IQGAP2: variants seen among roughly 807,000 people sequenced by gnomAD.
IQGAP2 encodes the protein IQ motif containing GTPase activating protein 2.
IQGAP2 carries 173 observed loss-of-function variants against 201.3 expected under a neutral mutation model. The observed-to-expected ratio is 0.86, with a 90% CI of 0.76 to 0.98. The LOEUF (loss-of-function observed/expected upper bound fraction) is 0.98, where lower values mean the gene tolerates loss of function less well. Ranked by LOEUF, IQGAP2 falls within the 50% of genes least tolerant of loss-of-function variation. The pLI, the probability that IQGAP2 is intolerant of heterozygous loss-of-function variation, is 0.00. For synonymous variants in IQGAP2, 675 were observed against 673.9 expected, an observed-to-expected ratio of 1.00 and a Z score of -0.03; for missense variants, 1,687 against 1,864.8, an observed-to-expected ratio of 0.90 and a Z score of 1.76.
At chr5:76,537,863 G>A (rs910115487) in intron 2 of IQGAP2, among the ~76,000 whole-genome samples, 3 of 152,076 alleles carry the variant, frequency 2.0e-5, no homozygotes, top group Non-Finnish European at 4.4e-5. Flanking sequence ...TTGGACCCTC[G>A]GGGCAGCACC....
chr5:76,408,361 A>G (rs1750910937), intron 1 of IQGAP2, among the ~76,000 whole-genome samples: 2 of 152,228 alleles, frequency 1.3e-5, no homozygotes, highest in Admixed American at 6.5e-5. Context: ...TACTGTTATC[A>G]TCGGCTCATT....
chr5:76,484,464 A>T (rs962721560), intron 2 of IQGAP2, among the ~76,000 whole-genome samples: 1 of 152,092 alleles, frequency 6.6e-6, no homozygotes, highest in Non-Finnish European at 1.5e-5. Flanking sequence ...GTGTTCCCCC[A>T]TCATGTTTTT....
intron 17 of IQGAP2, among the ~76,000 whole-genome samples, chr5:76,643,395 C>T (rs987983418): frequency 6.6e-6 from 1 of 152,172 alleles, no homozygotes; most frequent in Non-Finnish European, 1.5e-5. Context: ...ACTAAAAACA[C>T]ACTTTCTCAT....
At chr5:76,645,204 AT>A (rs1201144131) in intron 17 of IQGAP2, among the ~76,000 whole-genome samples, 3 of 151,512 alleles carry the variant, frequency 2.0e-5, no homozygotes, top group African/African-American at 7.4e-5. Context: ...GCTGCATAGT[AT>A]TCCATGGTGT....
chr5:76,489,051 A>T (rs13153728), intron 2 of IQGAP2, among the ~76,000 whole-genome samples: 3 of 152,006 alleles, frequency 2.0e-5, no homozygotes, highest in Non-Finnish European at 4.4e-5. Flanking sequence ...CCAGGCTCCC[A>T]GCTCCTTGTT....
At chr5:76,572,213 A>AT (rs907882473) in intron 4 of IQGAP2, among the ~76,000 whole-genome samples, 9,124 of 132,764 alleles carry the variant, frequency 0.069, 759 homozygotes, top group East Asian at 0.46. Flanking sequence ...ATGTACAGCT[A>AT]TTTTTTTTTT....
At chr5:76,424,462 C>T (rs1751890596) in intron 1 of IQGAP2, among the ~76,000 whole-genome samples, 4 of 152,166 alleles carry the variant, frequency 2.6e-5, no homozygotes, top group Admixed American at 2.6e-4. Flanking sequence ...CATGTGCCAC[C>T]ATGCCCGGCT....
chr5:76,696,007 A>G (rs541339897), intron 32 of IQGAP2, among the ~76,000 whole-genome samples: 4 of 151,786 alleles, frequency 2.6e-5, no homozygotes, highest in Admixed American at 2.6e-4. Flanking sequence ...CGCCCAGCTA[A>G]TTTTTGTATT....
chr5:76,625,821 A>G (rs1394385639), intron 13 of IQGAP2, among the ~76,000 whole-genome samples: 1 of 152,206 alleles, frequency 6.6e-6, no homozygotes, highest in Non-Finnish European at 1.5e-5. Flanking sequence ...CCTTTCATTC[A>G]TCACAGTCTT....
At chr5:76,457,418 C>G (rs150498532) in intron 1 of IQGAP2, among the ~76,000 whole-genome samples, 1 of 152,304 alleles carries the variant, frequency 6.6e-6, no homozygotes, top group African/African-American at 2.4e-5. Context: ...TCCCTCAAAT[C>G]TAAGCATTTC....
At chr5:76,626,844 A>G (rs6881371) in intron 13 of IQGAP2, among the ~76,000 whole-genome samples, 40,966 of 151,916 alleles carry the variant, frequency 0.27, 5,671 homozygotes, top group East Asian at 0.37. Context: ...CCTGAATGGT[A>G]AGAAAAAGCC....
chr5:76,690,043 C>G (rs1388836897), intron 30 of IQGAP2, among the ~76,000 whole-genome samples: 1 of 152,060 alleles, frequency 6.6e-6, no homozygotes, highest in Admixed American at 6.6e-5. Flanking sequence ...AATTCTTTTT[C>G]AAAATTAGAT....
At chr5:76,510,822 C>A in intron 2 of IQGAP2, 1 of 432,504 alleles carries the variant, frequency 2.3e-6, no homozygotes. Flanking sequence ...ACACACCTGG[C>A]CTCCAGCAGG....
chr5:76,592,918 A>G lies in IQGAP2; in HGVS notation c.900A>G (p.Lys300=), dbSNP rs1331849565. ...TQAEIQGNIN[K]VNRQAAVDHI... ...CAGAAATCCAAGGCAATATTAATAA[A>G]GTCAACAGTAAGTAATGGATCGTAT... The change falls in exon 9 of 36, where the codon AAA becomes AAG. Residue 300 remains lysine (K), a synonymous_variant. Transcript: ENST00000274364. 6.3e-7 allele frequency: 1 copy of G among 1,595,618 alleles called. No homozygotes were observed. Among genetic ancestry groups the G allele is most frequent in the African/African-American group, 1.3e-5 (1 of 74,546 alleles).
At chr5:76,559,280 T>G (rs1179295244) in intron 2 of IQGAP2, among the ~76,000 whole-genome samples, 2 of 152,208 alleles carry the variant, frequency 1.3e-5, no homozygotes, top group East Asian at 3.9e-4. Flanking sequence ...GTTGTCTTCC[T>G]TCCCGTTTCT....
intron 2 of IQGAP2, among the ~76,000 whole-genome samples, chr5:76,533,934 C>T (rs80233413): frequency 0.088 from 13,422 of 152,178 alleles, 1,028 homozygotes; most frequent in East Asian, 0.39. Context: ...TATTTTCTCC[C>T]AGCTTGGCCT....
chr5:76,627,283 A>C, intron 13 of IQGAP2, 127 bp from the exon 14 acceptor site: 1 of 729,708 alleles, frequency 1.4e-6, no homozygotes, highest in Non-Finnish European at 2.5e-6. Flanking sequence ...AGTATATGGC[A>C]GAGCTGGATA....
chr5:76,661,860 A>G (rs1442903025), intron 21 of IQGAP2, among the ~76,000 whole-genome samples: 1 of 152,310 alleles, frequency 6.6e-6, no homozygotes, highest in Non-Finnish European at 1.5e-5. Context: ...AAACGTTTAT[A>G]TCATAGCATA....
intron 2 of IQGAP2, among the ~76,000 whole-genome samples, chr5:76,549,439 A>T (rs1303556420): frequency 6.6e-6 from 1 of 151,888 alleles, no homozygotes; most frequent in Non-Finnish European, 1.5e-5. Context: ...AGTCAAACTA[A>T]TAAGTATTAT....
Sources: gnomAD v4.1 joint callset for allele counts (sites outside exome capture counted in the v4.1 genomes callset) on GRCh38, gnomAD v4.1.1 for gene constraint, MANE v1.5 for transcripts, NCBI Gene and HGNC (gene_info 2026-07-23, HGNC 2026-07-21) for gene names.